The following COTL1 variants were observed in gnomAD, a reference collection of about 807,000 sequenced individuals.
COTL1 encodes the protein coactosin like F-actin binding protein 1.
COTL1 carries 15 observed loss-of-function variants against 16.5 expected under a neutral mutation model. The observed-to-expected ratio is 0.91, with a 90% CI of 0.61 to 1.40. COTL1 has a LOEUF of 1.40. Ranked by LOEUF, COTL1 falls within the 40% of genes most tolerant of loss-of-function variation. COTL1 has a pLI of 0.00. For missense variants in COTL1, 220 were observed against 201.5 expected (o/e 1.09, Z -0.56); for synonymous variants, 112 against 85.3 (o/e 1.31, Z -1.73).
At chr16:84,596,775 C>G (rs1054561090) in intron 2 of COTL1, 4 of 152,876 alleles carry the variant, frequency 2.6e-5, no homozygotes, top group African/African-American at 9.7e-5. Flanking sequence ...GACACTCTCT[C>G]CCTGGGAGAT....
At chr16:84,603,235 C>T (rs1905137240) in intron 2 of COTL1, among the ~76,000 whole-genome samples, 1 of 152,212 alleles carries the variant, frequency 6.6e-6, no homozygotes, top group Admixed American at 6.5e-5. Flanking sequence ...CACACCAGCC[C>T]CCACGGGGAC....
At chr16:84,617,683 G>T in intron 1 of COTL1, 100 bp from the exon 2 acceptor site, 1 of 1,405,956 alleles carries the variant, frequency 7.1e-7, no homozygotes, top group Non-Finnish European at 9.8e-7. Context: ...CGCTGGCCAC[G>T]GAGAAGCCCG....
At chr16:84,601,515 G>A (rs1280345412) in intron 2 of COTL1, among the ~76,000 whole-genome samples, 2 of 151,774 alleles carry the variant, frequency 1.3e-5, no homozygotes, top group Non-Finnish European at 2.9e-5. Flanking sequence ...TGGAGTGCAG[G>A]GGCACAATCT....
chr16:84,574,609 G>A (rs942310871), intron 3 of COTL1, among the ~76,000 whole-genome samples: 11 of 152,060 alleles, frequency 7.2e-5, no homozygotes, highest in Admixed American at 5.2e-4. Context: ...TTTCTGAGAC[G>A]GACTCTCACT....
At chr16:84,609,185 T>C (rs1007184457) in intron 2 of COTL1, among the ~76,000 whole-genome samples, 1 of 152,224 alleles carries the variant, frequency 6.6e-6, no homozygotes, top group East Asian at 1.9e-4. Context: ...ATAAATAGAC[T>C]GCCGGCTCTC....
At chr16:84,585,493 T>A (rs978217871) in intron 3 of COTL1, among the ~76,000 whole-genome samples, 4 of 152,058 alleles carry the variant, frequency 2.6e-5, no homozygotes, top group Non-Finnish European at 5.9e-5. Context: ...AAGTCAAGGG[T>A]TTATTAATAC....
chr16:84,594,433 T>G (rs1193499327), intron 2 of COTL1: 1 of 152,206 alleles, frequency 6.6e-6, no homozygotes, highest in African/African-American at 2.4e-5. Flanking sequence ...AGACTTGGAG[T>G]GTGGGGGAGC....
chr16:84,617,933 G>C lies in COTL1; in HGVS notation c.-19C>G, dbSNP rs746559633. ...TGGCCATCGCCGCGGAGCCGCAGCG[G>C]GACACTGTCCGGGGCGGCCGAGCGC... On this transcript the variant is annotated 5_prime_UTR_variant, in exon 1 of 4. Coordinates refer to ENST00000262428, the MANE Select transcript of COTL1 (RefSeq NM_021149.5). 1.0e-4 allele frequency: 160 copies of C among 1,546,312 alleles called. 1 individual carries two copies. Among genetic ancestry groups the C allele is most frequent in the South Asian group, 9.0e-4 (76 of 83,992 alleles).
At chr16:84,607,135 G>A (rs888313895) in intron 2 of COTL1, among the ~76,000 whole-genome samples, 7 of 152,152 alleles carry the variant, frequency 4.6e-5, no homozygotes, top group African/African-American at 7.2e-5. Flanking sequence ...GGAGGACTTC[G>A]CCAAGGAGTT....
intron 3 of COTL1, among the ~76,000 whole-genome samples, chr16:84,589,784 T>G (rs1356017998): frequency 1.3e-5 from 2 of 151,828 alleles, no homozygotes; most frequent in Admixed American, 6.6e-5. Context: ...CACAGGGTAG[T>G]GGCCGCTATT....
chr16:84,615,453 C>A (rs1005939554), intron 2 of COTL1, among the ~76,000 whole-genome samples: 3 of 152,202 alleles, frequency 2.0e-5, no homozygotes, highest in Non-Finnish European at 4.4e-5. Context: ...GATGGATGCT[C>A]TTTTCCTCAT....
At position 84,590,271 on chromosome 16, in the gene COTL1, A is replaced by G. The variant is rs775536354; in HGVS notation, c.161-9T>C. On this transcript the variant is annotated splice_polypyrimidine_tract_variant and intron_variant, in intron 2 of 3. Transcript: ENST00000262428. The surrounding 1 kb of genome is among the most constrained non-coding windows in gnomAD (Gnocchi z 5.5). The stretch of plus-strand genomic sequence containing the variant: ...AAACAACCGGACGTCATCTGTGGCC[A>G]AAAGCGAAAAGAGAACATGGTGCTG... The G allele has an allele frequency of 6.2e-7, 1 of 1,613,134 alleles. No homozygotes were observed. Among genetic ancestry groups the G allele is most frequent in the Non-Finnish European group, 8.5e-7 (1 of 1,179,202 alleles).
intron 3 of COTL1, among the ~76,000 whole-genome samples, chr16:84,585,781 T>C (rs1484583514): frequency 2.6e-5 from 4 of 152,210 alleles, no homozygotes; most frequent in African/African-American, 9.6e-5. Context: ...AACTGCAGTA[T>C]AAATGTAAGG....
intron 2 of COTL1, among the ~76,000 whole-genome samples, chr16:84,606,325 G>C (rs1408191454): frequency 2.0e-5 from 3 of 152,196 alleles, no homozygotes; most frequent in East Asian, 1.9e-4. Flanking sequence ...TTTGGAGGAG[G>C]GGACGGCGGG....
chr16:84,582,409 A>G (rs1159413628), intron 3 of COTL1, among the ~76,000 whole-genome samples: 1 of 152,118 alleles, frequency 6.6e-6, no homozygotes, highest in African/African-American at 2.4e-5. Context: ...CTCAAAAAGT[A>G]CTAGGATTAC....
At chr16:84,602,782 G>A (rs1238094658) in intron 2 of COTL1, among the ~76,000 whole-genome samples, 3 of 151,888 alleles carry the variant, frequency 2.0e-5, no homozygotes, top group African/African-American at 7.3e-5. Context: ...TTGAGTCCAG[G>A]AGGCAGAGGT....
In COTL1 at chr16:84,569,903, A is replaced by G. The variant is rs1013693145; in HGVS notation, c.319-2948T>C. Among the ~76,000 whole-genome samples, 8 of 152,250 alleles carry G rather than the reference A, an allele frequency of 5.3e-5. No homozygotes were observed. In the South Asian group the frequency reaches 6.2e-4, roughly 12 times the overall value. On this transcript the variant is annotated intron_variant, in intron 3 of 3. Coordinates refer to ENST00000262428, the MANE Select transcript of COTL1 (RefSeq NM_021149.5). ...AAGTCCAAAGTTCCTCTGCTTTGTG[A>G]TAGCTATATATGGCAATCTACAGAA...
chr16:84,602,411 TAA>T (rs55955741), intron 2 of COTL1, among the ~76,000 whole-genome samples: 1 of 144,394 alleles, frequency 6.9e-6, no homozygotes, highest in Non-Finnish European at 1.5e-5. Flanking sequence ...TTCTTTTAAT[TAA>T]AAAAAAAAAA....
chr16:84,575,172 G>A (rs546043223), intron 3 of COTL1: 2 of 151,696 alleles, frequency 1.3e-5, no homozygotes, highest in East Asian at 3.9e-4. Flanking sequence ...CGAGTAGCTG[G>A]AATTACAGGC....
Sources: gnomAD v4.1 joint callset for allele counts (sites outside exome capture counted in the v4.1 genomes callset) on GRCh38, gnomAD v4.1.1 for gene constraint, Gnocchi (gnomAD v3.1) non-coding constraint, MANE v1.5 for transcripts, NCBI Gene and HGNC (gene_info 2026-07-23, HGNC 2026-07-21) for gene names.